Variants in CELF2 observed in about 807,000 individuals in gnomAD.
CELF2 encodes CUG triplet repeat RNA-binding protein 2.
In CELF2, 8 loss-of-function variants were observed where a neutral mutation model predicts 62.6. The observed-to-expected ratio is 0.13, with a 90% CI of 0.07 to 0.23. The LOEUF (loss-of-function observed/expected upper bound fraction) is 0.23, where lower values mean the gene tolerates loss of function less well. Ranked by LOEUF, CELF2 falls within the 10% of genes least tolerant of loss-of-function variation. CELF2 has a pLI of 1.00. For synonymous variants in CELF2, 258 were observed against 250.0 expected (o/e 1.03, Z -0.30); for missense variants, 333 against 671.0 (o/e 0.50, Z 5.56).
chr10:10,471,963 A>G, the CELF2 span, among the ~76,000 whole-genome samples: 16 of 151,998 alleles, frequency 1.1e-4, no homozygotes, highest in Middle Eastern at 0.01. Context: ...GAGAGTTAGT[A>G]GTCAATCAAA....
At chr10:10,601,816 T>G in the CELF2 span, among the ~76,000 whole-genome samples, 1 of 152,006 alleles carries the variant, frequency 6.6e-6, no homozygotes, top group Non-Finnish European at 1.5e-5. Flanking sequence ...GGTAATTTGC[T>G]GCACCTATCA....
At position 11,329,227 on chromosome 10, in the gene CELF2, T is replaced by G; in HGVS notation, c.*174T>G. ...CCCCACCCACTTCCCCTACCCAGTT[T>G]GCCATAATTAAAACTTGGGCTACTT... On this transcript the variant is annotated 3_prime_UTR_variant, in exon 13 of 13. Transcript: ENST00000633077. This position sits in a 1 kb window ranked among gnomAD's most constrained non-coding sequence, Gnocchi z 5.5. 4.0e-6 allele frequency: 2 copies of G among 497,454 alleles called. No homozygotes were observed. Among genetic ancestry groups the G allele is most frequent in the Non-Finnish European group, 6.5e-6 (2 of 305,974 alleles). The allele number at this position is 497,454 out of a possible 1,614,324, so 30.8% of individuals were successfully genotyped here.
chr10:11,046,542 G>A lies in CELF2; in HGVS notation c.74+28379G>A, dbSNP rs2062876797. ...ACTGTCCTGATTTCTTTTATGTCTT[G>A]GGCATGTGGGCTCAGTGCTAATTTT... On this transcript the variant is annotated intron_variant, in intron 1 of 12. Coordinates refer to ENST00000633077, the MANE Select transcript of CELF2 (RefSeq NM_001326342.2). This position sits in a 1 kb window ranked among gnomAD's most constrained non-coding sequence, Gnocchi z 4.6. Among the ~76,000 whole-genome samples the A allele has an allele frequency of 3.9e-5, 6 of 152,280 alleles. No homozygotes were observed. The highest frequency in any genetic ancestry group is 3.4e-3 in the Middle Eastern group (1 of 294).
chr10:10,525,771 G>T, the CELF2 span, among the ~76,000 whole-genome samples: 1 of 152,160 alleles, frequency 6.6e-6, no homozygotes, highest in Non-Finnish European at 1.5e-5. Flanking sequence ...CTTTCCTGTT[G>T]TCTAAAATGA....
intron 5 of CELF2, among the ~76,000 whole-genome samples, chr10:11,263,117 T>C (rs1472271333): frequency 2.0e-5 from 3 of 152,076 alleles, no homozygotes; most frequent in Non-Finnish European, 4.4e-5. Flanking sequence ...CGTGCTTTCC[T>C]TAGATCTTGT....
At chr10:10,538,264 T>C in the CELF2 span, among the ~76,000 whole-genome samples, 1 of 152,108 alleles carries the variant, frequency 6.6e-6, no homozygotes, top group East Asian at 1.9e-4. Context: ...CCTGCCTCCC[T>C]CTGGTCTGCC....
In CELF2 at chr10:11,330,261, TCTC is replaced by T. The variant is rs1276101115; in HGVS notation, c.*1210_*1212del. 4.6e-5 allele frequency: 7 copies of T among 152,620 alleles called. No individual in the cohort carries two copies. Among genetic ancestry groups the T allele is most frequent in the African/African-American group, 1.7e-4 (7 of 41,452 alleles). 9.5% of individuals were successfully genotyped at this position (152,620 alleles called of 1,614,324 possible). ...ACCCGGAATCCATCCCGTTTCGCTC[TCTC>T]CAGATGGATTCTCTTGGGGTTTCAT... On this transcript the variant is annotated 3_prime_UTR_variant, in exon 13 of 13. Transcript: ENST00000633077. This position sits in a 1 kb window ranked among gnomAD's most constrained non-coding sequence, Gnocchi z 4.5.
intron 1 of CELF2, among the ~76,000 whole-genome samples, chr10:11,033,155 C>T (rs1343639295): frequency 5.3e-5 from 8 of 152,080 alleles, no homozygotes; most frequent in Non-Finnish European, 1.5e-5. Flanking sequence ...AGACATTCCT[C>T]ATCAAATATC....
intron 1 of CELF2, among the ~76,000 whole-genome samples, chr10:11,065,643 A>T (rs2067913692): frequency 6.6e-6 from 1 of 152,150 alleles, no homozygotes; most frequent in Non-Finnish European, 1.5e-5. Context: ...TGAAGTTCAG[A>T]TTTTATTCCT....
intron 1 of CELF2, among the ~76,000 whole-genome samples, chr10:11,106,955 T>C (rs2053655759): frequency 6.6e-6 from 1 of 152,224 alleles, no homozygotes; most frequent in Non-Finnish European, 1.5e-5. Flanking sequence ...GCTCCAGTGC[T>C]TCCCTTCCCT....
intron 1 of CELF2, among the ~76,000 whole-genome samples, chr10:10,819,121 A>C (rs12358451): frequency 6.6e-6 from 1 of 152,164 alleles, no homozygotes; most frequent in Non-Finnish European, 1.5e-5. Flanking sequence ...CTGTATTCTC[A>C]TCTCTAACAT....
the CELF2 span, among the ~76,000 whole-genome samples, chr10:10,689,197 A>T: frequency 6.6e-6 from 1 of 152,138 alleles, no homozygotes. Flanking sequence ...AACAGGAAGC[A>T]TTACCAGGAG....
the CELF2 span, among the ~76,000 whole-genome samples, chr10:10,636,845 G>C: frequency 6.6e-6 from 1 of 152,154 alleles, no homozygotes; most frequent in Non-Finnish European, 1.5e-5. Context: ...CTAGAATTAT[G>C]AGACATTTGC....
chr10:11,083,080 C>A (rs12358326), intron 1 of CELF2, among the ~76,000 whole-genome samples: 37,568 of 152,122 alleles, frequency 0.25, 4,929 homozygotes, highest in Middle Eastern at 0.31. Context: ...TGGGTCCCAT[C>A]CCAGGACACA....
Position 11,321,320 on chromosome 10 carries a change from G to A in CELF2, c.1228G>A (p.Ala410Thr), listed in dbSNP as rs755910221. The stretch of plus-strand genomic sequence containing the variant: ...AGGAATTCAACAGTACGCAGCCGCC[G>A]CGCTGCCCACTCTGTACAGCCAGAG... The part of the protein sequence containing the change: ...YSGIQQYAAA[A>T]LPTLYSQSLL... Residue 410 changes from alanine (A) to threonine (T), a missense_variant, in exon 11 of 13, where the codon GCG (alanine) becomes ACG (threonine). Physicochemically the swap from Ala to Thr is moderately conservative, Grantham distance 58 (BLOSUM62 0). This residue lies in a region of CELF2 where 253 missense variants were observed against 503.0 expected (regional missense o/e 0.50). Coordinates refer to ENST00000633077, the MANE Select transcript of CELF2 (RefSeq NM_001326342.2). This position sits in a 1 kb window ranked among gnomAD's most constrained non-coding sequence, Gnocchi z 6.2. The A allele has an allele frequency of 2.7e-5, 44 of 1,612,620 alleles. No homozygotes were observed. The highest frequency in any genetic ancestry group is 1.3e-4 in the Admixed American group (8 of 60,006).
chr10:10,497,627 G>A, the CELF2 span, among the ~76,000 whole-genome samples: 43 of 152,248 alleles, frequency 2.8e-4, no homozygotes, highest in South Asian at 5.2e-3. Flanking sequence ...AGGAGGAGCC[G>A]GCCACACCGC....
At chr10:10,617,329 C>T in the CELF2 span, among the ~76,000 whole-genome samples, 1 of 152,072 alleles carries the variant, frequency 6.6e-6, no homozygotes, top group Non-Finnish European at 1.5e-5. Context: ...TTCACAATAC[C>T]ACATTGTGAA....
At chr10:11,253,417 C>T (rs1380746955) in intron 4 of CELF2, among the ~76,000 whole-genome samples, 1 of 152,182 alleles carries the variant, frequency 6.6e-6, no homozygotes, top group African/African-American at 2.4e-5. Context: ...CCTGCAAAGC[C>T]TCCATTAAAA....
rs1054655888 is a variant in CELF2 at position 11,157,220 on chromosome 10, A to T, written c.75-8266A>T. Among the ~76,000 whole-genome samples, 1 of 152,086 alleles carries T rather than the reference A, an allele frequency of 6.6e-6. No individual in the cohort carries two copies. Among genetic ancestry groups the T allele is most frequent in the African/African-American group, 2.4e-5 (1 of 41,400 alleles). The stretch of plus-strand genomic sequence containing the variant: ...GCTGGTACTTCCGTGCCTCTCACAC[A>T]TGCATGGTTGTAGAGGAGCTGTGCT... On this transcript the variant is annotated intron_variant, in intron 1 of 12. Transcript: ENST00000633077. This position sits in a 1 kb window ranked among gnomAD's most constrained non-coding sequence, Gnocchi z 4.9.
Sources: allele counts gnomAD v4.1 joint callset (sites outside exome capture counted in the v4.1 genomes callset), GRCh38; gene constraint gnomAD v4.1.1; regional missense constraint gnomAD v4.1.1; non-coding constraint Gnocchi (gnomAD v3.1); transcripts MANE v1.5; gene names NCBI Gene and HGNC (gene_info 2026-07-23, HGNC 2026-07-21).